The following NTN1 variants were observed in gnomAD, a reference collection of about 807,000 sequenced individuals.
NTN1 encodes the protein netrin 1, also known as netrin-1.
In NTN1, 11 loss-of-function variants were observed where a neutral mutation model predicts 54.2. The observed-to-expected ratio is 0.20, with a 90% CI of 0.13 to 0.34. The LOEUF (loss-of-function observed/expected upper bound fraction) is 0.34, where lower values mean the gene tolerates loss of function less well. Among genes scored for constraint, NTN1 ranks in the 10% least tolerant of loss-of-function variants. The pLI is 1.00. For missense variants in NTN1, 740 were observed against 893.1 expected (o/e 0.83, Z 2.18); for synonymous variants, 371 against 382.0 (o/e 0.97, Z 0.33).
At chr17:9,009,135 C>T in the NTN1 span, among the ~76,000 whole-genome samples, 14 of 152,354 alleles carry the variant, frequency 9.2e-5, no homozygotes, top group African/African-American at 3.4e-4. Flanking sequence ...TACACTTCCC[C>T]CAAATAACAT....
At chr17:9,216,715 T>G (rs1176909342) in intron 5 of NTN1, among the ~76,000 whole-genome samples, 2 of 152,208 alleles carry the variant, frequency 1.3e-5, no homozygotes, top group African/African-American at 4.8e-5. Flanking sequence ...CTGCATTGCC[T>G]GATTTTCTGA....
chr17:9,135,986 C>T lies in NTN1; in HGVS notation c.1019-26827C>T, dbSNP rs144325543. ...CACGTGCCTACTCAAACTCGACACC[C>T]ATCCTCCTCACTCCCGCCTGGGAAG... On this transcript the variant is annotated intron_variant, in intron 2 of 6. Transcript: ENST00000173229. The surrounding 1 kb of genome is among the most constrained non-coding windows in gnomAD (Gnocchi z 4.4). Among the ~76,000 whole-genome samples the T allele has an allele frequency of 1.4e-3, 212 of 152,326 alleles. 2 individuals are homozygous for T. In the East Asian group the frequency reaches 0.034, roughly 25 times the overall value.
At chr17:9,182,855 A>G in intron 4 of NTN1, 61 bp from the exon 5 acceptor site, 1 of 1,569,198 alleles carries the variant, frequency 6.4e-7, no homozygotes, top group Non-Finnish European at 8.8e-7. Context: ...AAAGTCAAAA[A>G]ATCATGTCGT....
In NTN1 at chr17:9,179,921, A is replaced by G; in HGVS notation, c.1322A>G (p.Tyr441Cys). ...GITCNRCAKG[Y>C]QQSRSPIAPC... ...ACCTGCAACCGCTGCGCCAAAGGCT[A>G]CCAGCAGAGCCGCTCTCCCATCGCC... The change falls in exon 4 of 7, where the codon TAC becomes TGC. Residue 441 changes from tyrosine to cysteine, a missense_variant. Physicochemically the swap from Tyr to Cys is radical, Grantham distance 194 (BLOSUM62 -2). Coordinates refer to ENST00000173229, the MANE Select transcript of NTN1 (RefSeq NM_004822.3). 6.2e-7 allele frequency: 1 copy of G among 1,614,006 alleles called. No individual in the cohort carries two copies. The highest frequency in any genetic ancestry group is 8.5e-7 in the Non-Finnish European group (1 of 1,179,978).
intron 2 of NTN1, among the ~76,000 whole-genome samples, chr17:9,077,624 A>G (rs2092055458): frequency 6.6e-6 from 1 of 152,240 alleles, no homozygotes; most frequent in South Asian, 2.1e-4. Context: ...CAAATAAAGT[A>G]CACTTCTGTT....
At chr17:9,125,629 G>A (rs965410797) in intron 2 of NTN1, among the ~76,000 whole-genome samples, 1 of 150,360 alleles carries the variant, frequency 6.7e-6, no homozygotes, top group African/African-American at 2.4e-5. Flanking sequence ...TTTAAGAGAG[G>A]AGGTCTCACT....
intron 2 of NTN1, among the ~76,000 whole-genome samples, chr17:9,147,480 C>G (rs1251907875): frequency 6.6e-6 from 1 of 152,184 alleles, no homozygotes; most frequent in African/African-American, 2.4e-5. Context: ...AGCCACTGCA[C>G]TCCAGCCTGG....
chr17:9,220,979 G>A (rs1442619677), intron 5 of NTN1, among the ~76,000 whole-genome samples, 189 bp from the exon 6 acceptor site: 1 of 151,732 alleles, frequency 6.6e-6, no homozygotes, highest in Non-Finnish European at 1.5e-5. Context: ...GTCGGACGGG[G>A]GCCCTTTGTC....
chr17:9,122,138 C>T (rs1227356785), intron 2 of NTN1, among the ~76,000 whole-genome samples: 3 of 151,768 alleles, frequency 2.0e-5, no homozygotes, highest in Non-Finnish European at 2.9e-5. Flanking sequence ...CCCGGGTTCA[C>T]GCCATTCTCC....
intron 2 of NTN1, among the ~76,000 whole-genome samples, chr17:9,038,193 A>C (rs899848339): frequency 3.5e-5 from 5 of 142,022 alleles, no homozygotes; most frequent in African/African-American, 1.3e-4. Context: ...CAGCTCCCCT[A>C]TTTGTGTCTA....
At chr17:9,216,609 G>C (rs1334624350) in intron 5 of NTN1, among the ~76,000 whole-genome samples, 1 of 152,214 alleles carries the variant, frequency 6.6e-6, no homozygotes, top group African/African-American at 2.4e-5. Flanking sequence ...AAGGAGGATG[G>C]CCAGGAAGGC....
chr17:9,239,110 G>A lies in NTN1; in HGVS notation c.1487-530G>A, dbSNP rs1276646144. Among the ~76,000 whole-genome samples, 1 of 152,170 alleles carries A rather than the reference G, an allele frequency of 6.6e-6. No individual in the cohort carries two copies. The highest frequency in any genetic ancestry group is 1.5e-5 in the Non-Finnish European group (1 of 68,030). ...CCCGGGGCTCTGGAAAAGGCACTAC[G>A]GCCACCCCAAAGGGTGGGTTCTCAT... On this transcript the variant is annotated intron_variant, in intron 6 of 6. Transcript: ENST00000173229. The surrounding 1 kb of genome is among the most constrained non-coding windows in gnomAD (Gnocchi z 5.2).
At chr17:9,184,742 G>T (rs556080901) in intron 5 of NTN1, among the ~76,000 whole-genome samples, 8 of 152,258 alleles carry the variant, frequency 5.3e-5, no homozygotes, top group Admixed American at 5.2e-4. Flanking sequence ...CCTTGATTTT[G>T]AATTTTTCCC....
At chr17:9,017,812 G>GT (rs1048771286), upstream of NTN1, among the ~76,000 whole-genome samples, 3 of 152,260 alleles carry the variant, frequency 2.0e-5, no homozygotes, top group South Asian at 2.1e-4. Flanking sequence ...TTGGACATCT[G>GT]TTTTTTTCAT....
intron 2 of NTN1, among the ~76,000 whole-genome samples, chr17:9,046,854 CG>C (rs1469206392): frequency 1.1e-4 from 16 of 152,152 alleles, no homozygotes; most frequent in African/African-American, 3.1e-4. Context: ...AGTTGTGATA[CG>C]ATCCAGCAAT....
chr17:9,033,908 ACT>A (rs2091895219), intron 2 of NTN1, among the ~76,000 whole-genome samples: 1 of 132,902 alleles, frequency 7.5e-6, no homozygotes, highest in South Asian at 2.3e-4. Context: ...CAAGAGCGAA[ACT>A]CTGTCTCAAA....
intron 2 of NTN1, among the ~76,000 whole-genome samples, chr17:9,031,320 G>C (rs1410007861): frequency 2.6e-5 from 4 of 152,162 alleles, no homozygotes; most frequent in Admixed American, 6.5e-5. Flanking sequence ...CAGGGCTTCT[G>C]ATTTCGTCTG....
chr17:9,012,397 G>A, the NTN1 span, among the ~76,000 whole-genome samples: 1 of 152,150 alleles, frequency 6.6e-6, no homozygotes, highest in African/African-American at 2.4e-5. Context: ...TGTAGTCCCA[G>A]CTACTTGGGA....
At chr17:9,051,314 C>G (rs552342351) in intron 2 of NTN1, among the ~76,000 whole-genome samples, 6 of 152,304 alleles carry the variant, frequency 3.9e-5, no homozygotes, top group African/African-American at 1.2e-4. Context: ...GGTAAACACT[C>G]CAGGAATGCC....
Sources: allele counts gnomAD v4.1 joint callset (sites outside exome capture counted in the v4.1 genomes callset), GRCh38; gene constraint gnomAD v4.1.1; non-coding constraint Gnocchi (gnomAD v3.1); transcripts MANE v1.5; gene names NCBI Gene and HGNC (gene_info 2026-07-23, HGNC 2026-07-21).